NT5DC4: variants seen among roughly 807,000 people sequenced by gnomAD.
NT5DC4 encodes the protein 5'-nucleotidase domain-containing protein 4.
A neutral mutation model predicts 26.6 loss-of-function variants in NT5DC4; 44 were observed. That is an observed-to-expected ratio of 1.65 (90% CI 1.30 to 2.13). NT5DC4 has a LOEUF of 2.13. Among genes scored for constraint, NT5DC4 ranks in the 30% most tolerant of loss-of-function variants. The pLI, the probability that NT5DC4 is intolerant of heterozygous loss-of-function variation, is 0.00. For missense variants in NT5DC4, 399 were observed against 228.1 expected (o/e 1.75, Z -4.83); for synonymous variants, 157 against 86.7 (o/e 1.81, Z -4.51).
At chr2:112,742,155 T>G (rs904285645), downstream of NT5DC4, among the ~76,000 whole-genome samples, 1 of 152,128 alleles carries the variant, frequency 6.6e-6, no homozygotes, top group African/African-American at 2.4e-5. Flanking sequence ...CCAATTTATT[T>G]TCTAAAGATA....
chr2:112,719,803 T>G (rs987546930), upstream of NT5DC4, among the ~76,000 whole-genome samples: 9 of 150,872 alleles, frequency 6.0e-5, no homozygotes, highest in African/African-American at 2.2e-4. Context: ...CTTCCTTTCC[T>G]TTTCTTCATT....
At chr2:112,725,028 G>A (rs372776821) in intron 11 of NT5DC4, 122 bp downstream of exon 11, 57 of 653,066 alleles carry the variant, frequency 8.7e-5, no homozygotes, top group African/African-American at 5.4e-4. Context: ...CAGGGAACCC[G>A]AGGCCGCCTT....
At chr2:112,734,635 T>C (rs1178506919) in intron 16 of NT5DC4, among the ~76,000 whole-genome samples, 1 of 152,178 alleles carries the variant, frequency 6.6e-6, no homozygotes, top group Non-Finnish European at 1.5e-5. Context: ...TGGGGTTGAG[T>C]CCATTCTTCT....
rs1202548787 is a variant in NT5DC4 at position 112,724,828 on chromosome 2, G to T, written c.837G>T (p.Val279=). The T allele has an allele frequency of 2.8e-6, 2 of 717,140 alleles. No individual in the cohort carries two copies. The highest frequency in any genetic ancestry group is 3.5e-5 in the African/African-American group (2 of 57,248). The allele number at this position is 717,140 out of a possible 1,614,324, so 44.4% of individuals were successfully genotyped here. A position where few individuals can be genotyped will look rare whatever the true frequency, so the allele number is the denominator to read the frequency against. Residue 279 remains valine, a synonymous_variant, in exon 11 of 17, where the codon GTG becomes GTT. Transcript: ENST00000688554. ...RPWRSYFDLI[V]VDTQKPHFFA... ...GGAGGTCCTACTTTGACCTGATCGT[G>T]GTGGACACGCAGAAGCCCCACTTCT...
downstream of NT5DC4, among the ~76,000 whole-genome samples, chr2:112,742,254 G>A (rs1161907238): frequency 6.6e-6 from 1 of 152,146 alleles, no homozygotes; most frequent in African/African-American, 2.4e-5. Context: ...TCATAGAAGA[G>A]TCTTCTAAAG....
At chr2:112,723,985 C>A in intron 9 of NT5DC4, 109 bp from the exon 10 acceptor site, 1 of 706,986 alleles carries the variant, frequency 1.4e-6, no homozygotes, top group South Asian at 1.5e-5. Context: ...GAGCAACTTT[C>A]TCACCATCTT....
rs376164527 is a variant in NT5DC4, at chr2:112,738,989, G to A, written c.*53G>A. ...GCGGGACACTGCTCGCTCAATCCTC[G>A]ACGAACGCCGTACAGGAGTGATAAA... On this transcript the variant is annotated 3_prime_UTR_variant, in exon 17 of 17. Coordinates refer to ENST00000688554, the MANE Select transcript of NT5DC4 (RefSeq NM_001393655.1). 3.0e-5 allele frequency: 49 copies of A among 1,614,038 alleles called. No individual in the cohort carries two copies. The highest frequency in any genetic ancestry group is 3.7e-5 in the Non-Finnish European group (44 of 1,180,030).
At chr2:112,725,634 G>T in intron 13 of NT5DC4, 82 bp downstream of exon 13, 1 of 589,682 alleles carries the variant, frequency 1.7e-6, no homozygotes, top group South Asian at 2.1e-5. Context: ...CCTTTTTCCC[G>T]TGGGGGGTTA....
At chr2:112,719,993 T>TTTC (rs1676742260), upstream of NT5DC4, among the ~76,000 whole-genome samples, 4 of 105,852 alleles carry the variant, frequency 3.8e-5, no homozygotes, top group East Asian at 2.7e-4. Context: ...TTTCTTTTTC[T>TTTC]TTTCTTTTCT....
In NT5DC4 at chr2:112,725,210, C is replaced by T. The variant is rs1243239100; in HGVS notation, c.952C>T (p.Pro318Ser). 4 of 715,986 alleles carry T rather than the reference C, an allele frequency of 5.6e-6. No homozygotes were observed. In the East Asian group the frequency reaches 8.1e-5, roughly 14 times the overall value. The allele number at this position is 715,986 out of a possible 1,614,324, so 44.4% of individuals were successfully genotyped here. Residue 318 changes from proline to serine, a missense_variant, in exon 12 of 17, where the codon CCC becomes TCC. Coordinates refer to ENST00000688554, the MANE Select transcript of NT5DC4 (RefSeq NM_001393655.1). ...GCTCCACGTGGGCACCTACACAGGG[C>T]CCCACCAGCACTGTGCTGTCTACTC... ...GKLHVGTYTG[P>S]HQHCAVYSGG...
chr2:112,730,172 G>A (rs1227285985), intron 16 of NT5DC4, among the ~76,000 whole-genome samples: 1 of 152,030 alleles, frequency 6.6e-6, no homozygotes, highest in Non-Finnish European at 1.5e-5. Context: ...AATTAGCTGG[G>A]CATGGTGGTG....
At chr2:112,741,816 A>G (rs1309264467), downstream of NT5DC4, among the ~76,000 whole-genome samples, 1 of 151,794 alleles carries the variant, frequency 6.6e-6, no homozygotes, top group African/African-American at 2.4e-5. Flanking sequence ...GCTGGAGTGC[A>G]GTGGCGTGAT....
At chr2:112,719,836 T>C (rs1222789314), upstream of NT5DC4, among the ~76,000 whole-genome samples, 5 of 60,840 alleles carry the variant, frequency 8.2e-5, no homozygotes, top group Non-Finnish European at 9.8e-5. Context: ...CCTTCCTTCC[T>C]TCCTTCCCTC....
At chr2:112,734,121 C>G (rs1255232466) in intron 16 of NT5DC4, among the ~76,000 whole-genome samples, 3 of 149,632 alleles carry the variant, frequency 2.0e-5, no homozygotes, top group Admixed American at 6.7e-5. Context: ...GGACATGGAG[C>G]TTGGCCAGAG....
At chr2:112,736,168 T>C (rs1409810338) in intron 16 of NT5DC4, among the ~76,000 whole-genome samples, 2 of 152,118 alleles carry the variant, frequency 1.3e-5, no homozygotes, top group South Asian at 2.1e-4. Flanking sequence ...TCGACGGGCT[T>C]AGGACAGTGT....
chr2:112,719,796 C>T (rs1192583265), upstream of NT5DC4, among the ~76,000 whole-genome samples: 2 of 149,638 alleles, frequency 1.3e-5, no homozygotes, highest in African/African-American at 4.9e-5. Flanking sequence ...TTTCTTTCTT[C>T]CTTTCCTTTT....
In NT5DC4 at chr2:112,738,966, G is replaced by A. The variant is rs748904559; in HGVS notation, c.*30G>A. 1.1e-5 allele frequency: 17 copies of A among 1,613,970 alleles called. No homozygotes were observed. Among genetic ancestry groups the A allele is most frequent in the East Asian group, 2.2e-5 (1 of 44,902 alleles). Reference sequence around the variant, plus strand: ...TGTTCCTGCAGCATTTCTGGGTAGCGGGACACTGCTCGCTCAATCCTCGAC... The same window carrying A: ...TGTTCCTGCAGCATTTCTGGGTAGCAGGACACTGCTCGCTCAATCCTCGAC... On this transcript the variant is annotated 3_prime_UTR_variant, in exon 17 of 17. Coordinates refer to ENST00000688554, the MANE Select transcript of NT5DC4 (RefSeq NM_001393655.1).
chr2:112,729,797 G>A (rs1245559170), intron 16 of NT5DC4, 93 bp downstream of exon 16: 30 of 694,804 alleles, frequency 4.3e-5, no homozygotes, highest in South Asian at 1.8e-4. Flanking sequence ...CAGGACGCAT[G>A]AGGCAATTGG....
In NT5DC4 at chr2:112,729,616, T is replaced by C. The variant is rs1443427972; in HGVS notation, c.1267-11T>C. 7 of 717,774 alleles carry C rather than the reference T, an allele frequency of 9.8e-6. No homozygotes were observed. Among genetic ancestry groups the C allele is most frequent in the Non-Finnish European group, 1.8e-5 (7 of 385,154 alleles). The allele number at this position is 717,774 out of a possible 1,614,324, so 44.5% of individuals were successfully genotyped here. ...GGAGTGCTTCACCTCCACCTGCATTTATCCCTACAGATGCCACATGAGTCA... is the reference window on the plus strand; with the variant it reads ...GGAGTGCTTCACCTCCACCTGCATTCATCCCTACAGATGCCACATGAGTCA... On this transcript the variant is annotated splice_polypyrimidine_tract_variant and intron_variant, in intron 15 of 16. Transcript: ENST00000688554.
Sources: gnomAD v4.1 joint callset for allele counts (sites outside exome capture counted in the v4.1 genomes callset) on GRCh38, gnomAD v4.1.1 for gene constraint, MANE v1.5 for transcripts, NCBI Gene and HGNC (gene_info 2026-07-23, HGNC 2026-07-21) for gene names.